The following FBXO10 variants were observed in gnomAD, a reference collection of about 807,000 sequenced individuals.
The protein encoded by FBXO10 is F-box protein 10.
A neutral mutation model predicts 80.7 loss-of-function variants in FBXO10; 39 were observed. The ratio of observed to expected loss-of-function variants is 0.48; its 90% CI spans 0.37 to 0.63. The LOEUF is 0.63. Among genes scored for constraint, FBXO10 ranks in the 30% least tolerant of loss-of-function variants. The probability of loss-of-function intolerance (pLI) is 0.00; values close to 1 mark genes in which losing one functional copy is unlikely to be tolerated. For missense variants in FBXO10, 1,025 were observed against 1,269.0 expected, an observed-to-expected ratio of 0.81 and a Z score of 2.92; for synonymous variants, 449 against 489.6, an observed-to-expected ratio of 0.92 and a Z score of 1.09.
chr9:37,521,731 CCTT>C lies in FBXO10; in HGVS notation c.2035_2037del (p.Lys679del). The C allele has an allele frequency of 6.2e-7, 1 of 1,613,900 alleles. No individual in the cohort carries two copies. On this transcript the variant is annotated inframe_deletion, in exon 8 of 11. Transcript: ENST00000432825. ...CCTCGAGGTAACTCGCTGGAGCCAT[CCTT>C]CTGGCTAAATACTGCCACTCCATAC...
intron 1 of FBXO10, among the ~76,000 whole-genome samples, chr9:37,546,180 A>G (rs1822051433): frequency 6.6e-6 from 1 of 152,042 alleles, no homozygotes. Context: ...AAGAAAGGAA[A>G]CATAGGAGGT....
intron 8 of FBXO10, 51 bp from the exon 9 acceptor site, chr9:37,518,489 C>T: frequency 6.8e-7 from 1 of 1,465,092 alleles, no homozygotes; most frequent in Non-Finnish European, 9.1e-7. Flanking sequence ...TCAGCCCTGA[C>T]ACCACCAGTC....
chr9:37,576,353 G>C lies in FBXO10; in HGVS notation c.-149C>G, dbSNP rs942189335. 2 of 152,172 alleles carry C rather than the reference G, an allele frequency of 1.3e-5. No individual in the cohort carries two copies. Among genetic ancestry groups the C allele is most frequent in the Non-Finnish European group, 2.9e-5 (2 of 68,008 alleles). The allele number at this position is 152,172 out of a possible 1,614,324, so 9.4% of individuals were successfully genotyped here. ...CGCCCGGGGGCGGACAGCTGCCTGG[G>C]GATCGTGCGGAGCCGCCGCCGTCAT... On this transcript the variant is annotated 5_prime_UTR_variant, in exon 1 of 11. Transcript: ENST00000432825.
chr9:37,518,100 G>A (rs367999710), intron 9 of FBXO10, 25 bp downstream of exon 9: 9 of 1,590,740 alleles, frequency 5.7e-6, no homozygotes, highest in Admixed American at 3.4e-5. Context: ...GGCACCACAC[G>A]TCACACACAT....
At chr9:37,532,462 GTTTATT>G (rs1336231040) in intron 3 of FBXO10, among the ~76,000 whole-genome samples, 3 of 151,824 alleles carry the variant, frequency 2.0e-5, no homozygotes, top group Non-Finnish European at 4.4e-5. Context: ...TTGAATTTTT[GTTTATT>G]TTTATTTTTA....
At chr9:37,519,290 T>C (rs1821267690) in intron 8 of FBXO10, among the ~76,000 whole-genome samples, 1 of 152,200 alleles carries the variant, frequency 6.6e-6, no homozygotes, top group African/African-American at 2.4e-5. Context: ...AAAAATGTGT[T>C]TGAAATTTGG....
In FBXO10 at chr9:37,518,223, C is replaced by T. The variant is rs1011915033; in HGVS notation, c.2416G>A (p.Gly806Ser). ...GTGCTGTCGCCCTTGGTGATAATGC[C>T]GTGGCCTCTGTTGTCATAGATACCA... ...GNGIYDNRGH[G>S]IITKGDSTIV... is the part of the protein sequence containing the mutation. Residue 806 changes from glycine to serine, a missense_variant, in exon 9 of 11, where the codon GGC becomes AGC. Gly to Ser is a moderately conservative substitution (Grantham distance 56, BLOSUM62 0). This residue lies in a region of FBXO10 where 478 missense variants were observed against 667.8 expected (regional missense o/e 0.72). Coordinates refer to ENST00000432825, the MANE Select transcript of FBXO10 (RefSeq NM_012166.3). The T allele has an allele frequency of 8.1e-6, 13 of 1,613,944 alleles. No homozygotes were observed. The highest frequency in any genetic ancestry group is 1.6e-4 in the Middle Eastern group (1 of 6,084).
Position 37,537,662 on chromosome 9 carries a change from A to G in FBXO10, c.867T>C (p.Ser289=), listed in dbSNP as rs1310929263. 6.2e-7 allele frequency: 1 copy of G among 1,614,022 alleles called. No individual in the cohort carries two copies. Among genetic ancestry groups the G allele is most frequent in the South Asian group, 1.1e-5 (1 of 91,084 alleles). Residue 289 remains serine (S), a synonymous_variant, in exon 3 of 11, where the codon TCT becomes TCC. Transcript: ENST00000432825. ...CTAGGTCCAGGGACATTAAAAAGTC[A>G]GAGTCCTCTGTGGGGAGAAAAGTGG... ...SSPTFLPTED[S]DFLMSLDLES...
chr9:37,556,176 A>T (rs1822329611), intron 1 of FBXO10, among the ~76,000 whole-genome samples: 1 of 152,156 alleles, frequency 6.6e-6, no homozygotes, highest in Non-Finnish European at 1.5e-5. Context: ...TGTTTCATTG[A>T]TCTACTTGTC....
intron 1 of FBXO10, among the ~76,000 whole-genome samples, chr9:37,553,012 TTGTG>T (rs74171513): frequency 0.11 from 16,270 of 144,288 alleles, 1,081 homozygotes; most frequent in African/African-American, 0.19. Flanking sequence ...CCAATTCAGG[TTGTG>T]TGTGTGTGTG....
At position 37,531,914 on chromosome 9, in the gene FBXO10, T is replaced by G; in HGVS notation, c.1564A>C (p.Ile522Leu). The G allele has an allele frequency of 6.2e-7, 1 of 1,613,758 alleles. No individual in the cohort carries two copies. Among genetic ancestry groups the G allele is most frequent in the Non-Finnish European group, 8.5e-7 (1 of 1,179,728 alleles). ...VDIRKKSNPL[I>L]LCNQIHHGLR... is the part of the protein sequence containing the mutation. ...AGGGAACGAACACAAAGTACCAGTATGAGTGGGTTGGACTTTTTCCGGATG... is the reference window on the plus strand; with the variant it reads ...AGGGAACGAACACAAAGTACCAGTAGGAGTGGGTTGGACTTTTTCCGGATG... Residue 522 changes from isoleucine to leucine, a missense_variant, in exon 4 of 11, where the codon ATA (isoleucine) becomes CTA (leucine). Physicochemically the swap from Ile to Leu is conservative, Grantham distance 5 (BLOSUM62 2). Around this residue, in one of 3 missense-constraint regions of FBXO10, gnomAD observed 478 missense variants for 667.8 expected, o/e 0.72. Coordinates refer to ENST00000432825, the MANE Select transcript of FBXO10 (RefSeq NM_012166.3).
intron 1 of FBXO10, among the ~76,000 whole-genome samples, chr9:37,572,882 T>C (rs1220573504): frequency 6.6e-6 from 1 of 152,266 alleles, no homozygotes; most frequent in Non-Finnish European, 1.5e-5. Context: ...ATACTGATTA[T>C]TGTTTCTTAG....
At chr9:37,574,121 C>G (rs1822831513) in intron 1 of FBXO10, among the ~76,000 whole-genome samples, 1 of 152,178 alleles carries the variant, frequency 6.6e-6, no homozygotes, top group South Asian at 2.1e-4. Flanking sequence ...CTTGCTGACT[C>G]CCTATCTACA....
At chr9:37,540,018 A>T (rs1422949336) in intron 2 of FBXO10, among the ~76,000 whole-genome samples, 1 of 152,180 alleles carries the variant, frequency 6.6e-6, no homozygotes, top group Non-Finnish European at 1.5e-5. Flanking sequence ...CTATAAAATC[A>T]GATGACATTA....
chr9:37,534,447 T>C (rs764025780), intron 3 of FBXO10, among the ~76,000 whole-genome samples: 1 of 151,490 alleles, frequency 6.6e-6, no homozygotes, highest in Non-Finnish European at 1.5e-5. Context: ...GGTGAAAGAG[T>C]GAGACTCCGT....
chr9:37,525,906 CAT>C (rs950629331), intron 5 of FBXO10, among the ~76,000 whole-genome samples: 15 of 152,142 alleles, frequency 9.9e-5, no homozygotes, highest in African/African-American at 3.1e-4. Flanking sequence ...TTGTTTAAGA[CAT>C]GGGTTCTCGC....
At chr9:37,526,850 TTTATTTATTTATTTA>T (rs1337345604) in intron 5 of FBXO10, among the ~76,000 whole-genome samples, 19 of 150,346 alleles carry the variant, frequency 1.3e-4, no homozygotes, top group African/African-American at 4.6e-4. Flanking sequence ...TATTTATTTA[TTTATTTATTTATTTA>T]TTGAAATGGA....
At chr9:37,553,050 G>GTATA (rs1822244065) in intron 1 of FBXO10, among the ~76,000 whole-genome samples, 1 of 133,804 alleles carries the variant, frequency 7.5e-6, no homozygotes, top group African/African-American at 2.9e-5. Context: ...GTGTGTGTGT[G>GTATA]TATTTTTTTT....
intron 8 of FBXO10, among the ~76,000 whole-genome samples, chr9:37,519,326 G>C (rs1030546844): frequency 6.6e-6 from 1 of 152,236 alleles, no homozygotes; most frequent in South Asian, 2.1e-4. Context: ...GCTTGCGGTT[G>C]TGTGTACTTA....
Sources: gnomAD v4.1 joint callset for allele counts (sites outside exome capture counted in the v4.1 genomes callset) on GRCh38, gnomAD v4.1.1 for gene constraint, gnomAD v4.1.1 regional missense constraint, MANE v1.5 for transcripts, NCBI Gene and HGNC (gene_info 2026-07-23, HGNC 2026-07-21) for gene names.